PIWIL3: variants seen among roughly 807,000 people sequenced by gnomAD.
The protein encoded by PIWIL3 is piwi-like protein 3.
A neutral mutation model predicts 109.7 loss-of-function variants in PIWIL3; 101 were observed. The observed-to-expected ratio is 0.92, with a 90% CI of 0.78 to 1.09. PIWIL3 has a LOEUF of 1.09. Among genes scored for constraint, PIWIL3 ranks in the 50% least tolerant of loss-of-function variants. The probability of loss-of-function intolerance (pLI) is 0.00; values close to 1 mark genes in which losing one functional copy is unlikely to be tolerated. For synonymous variants in PIWIL3, 373 were observed against 376.4 expected (o/e 0.99, Z 0.10); for missense variants, 1,031 against 1,072.6 (o/e 0.96, Z 0.54).
At chr22:24,766,194 CT>C (rs1925777173) in intron 1 of PIWIL3, among the ~76,000 whole-genome samples, 1 of 152,068 alleles carries the variant, frequency 6.6e-6, no homozygotes, top group African/African-American at 2.4e-5. Context: ...ACCATGTTGC[CT>C]GGGCTGGTCT....
At chr22:24,768,356 G>A (rs2147732333) in intron 1 of PIWIL3, among the ~76,000 whole-genome samples, 1 of 151,912 alleles carries the variant, frequency 6.6e-6, no homozygotes. Context: ...CCAAGTTCAA[G>A]TGATTCTCCT....
chr22:24,750,491 C>T (rs5760621), intron 9 of PIWIL3, among the ~76,000 whole-genome samples: 51,478 of 97,476 alleles, frequency 0.53, 11,339 homozygotes, highest in African/African-American at 0.57. Context: ...GATTTTTTTT[C>T]TTTTTTTTTT....
chr22:24,761,992 T>G (rs1925465782), intron 2 of PIWIL3: 2 of 994,646 alleles, frequency 2.0e-6, no homozygotes, highest in African/African-American at 3.5e-5. Flanking sequence ...GGATATGCAG[T>G]AAGAGAAGAC....
At chr22:24,744,434 G>A (rs536244995) in intron 12 of PIWIL3, among the ~76,000 whole-genome samples, 6 of 152,052 alleles carry the variant, frequency 3.9e-5, no homozygotes, top group Middle Eastern at 3.4e-3. Flanking sequence ...TTAGCTGGGC[G>A]TGGTGGCACA....
At position 24,754,159 on chromosome 22, in the gene PIWIL3, T is replaced by C; in HGVS notation, c.832A>G (p.Ile278Val). Residue 278 changes from isoleucine to valine, a missense_variant, in exon 8 of 21, where the codon ATT (isoleucine) becomes GTT (valine). Physicochemically the swap from Ile to Val is conservative, Grantham distance 29. Transcript: ENST00000616349. ...TGGCTCACATCGGCACAGAGGGTAA[T>C]GCTGTTTTCGTATTGAAGAACAGAA... ...VTSVLQYENSITLCADVSHKL... is the reference protein window; with the variant it reads ...VTSVLQYENSVTLCADVSHKL... 11 of 1,614,148 alleles carry C rather than the reference T, an allele frequency of 6.8e-6. No homozygotes were observed. The highest frequency in any genetic ancestry group is 8.5e-6 in the Non-Finnish European group (10 of 1,179,992).
At chr22:24,769,821 A>G (rs989346976) in intron 1 of PIWIL3, 1 of 150,828 alleles carries the variant, frequency 6.6e-6, no homozygotes, top group Non-Finnish European at 1.5e-5. Context: ...TAATAATAAT[A>G]AATACACCAA....
rs1924862251 is a variant in PIWIL3 at position 24,754,002 on chromosome 22, A to ATT, written c.977+11_977+12insAA. On this transcript the variant is annotated intron_variant, in intron 8 of 20. Transcript: ENST00000616349. ...TAAAGTGATTGGATAGGTTTTTAAA[A>ATT]GACAGACTTACTTTGTCAGAACAAT... 9.5e-6 allele frequency: 15 copies of ATT among 1,583,376 alleles called. No homozygotes were observed. The highest frequency in any genetic ancestry group is 1.3e-5 in the Non-Finnish European group (15 of 1,152,290).
chr22:24,754,771 A>C lies in PIWIL3; in HGVS notation c.773+13T>G. On this transcript the variant is annotated intron_variant, in intron 7 of 20. Coordinates refer to ENST00000616349, the MANE Select transcript of PIWIL3 (RefSeq NM_001255975.1). ...AAGTCTGCAGAGTGTGAAATTTTCT[A>C]CTTTATACAAACCCATGACGGTATA... 6.3e-7 allele frequency: 1 copy of C among 1,576,916 alleles called. No homozygotes were observed. Among genetic ancestry groups the C allele is most frequent in the Non-Finnish European group, 8.7e-7 (1 of 1,146,690 alleles).
At chr22:24,770,122 G>A (rs28624292) in intron 1 of PIWIL3, among the ~76,000 whole-genome samples, 1 of 152,224 alleles carries the variant, frequency 6.6e-6, no homozygotes, top group Non-Finnish European at 1.5e-5. Context: ...GCTTTATGTA[G>A]ATCAAAGCAT....
chr22:24,739,847 G>A (rs1256881829), intron 12 of PIWIL3, among the ~76,000 whole-genome samples: 1 of 151,956 alleles, frequency 6.6e-6, no homozygotes, highest in Non-Finnish European at 1.5e-5. Context: ...TCAGGAGATC[G>A]AGACCATCCT....
intron 14 of PIWIL3, among the ~76,000 whole-genome samples, chr22:24,732,295 A>G (rs1923398079): frequency 6.6e-6 from 1 of 152,156 alleles, no homozygotes; most frequent in Non-Finnish European, 1.5e-5. Context: ...GAACAGTTTT[A>G]TAAGTGATTT....
chr22:24,755,682 T>G, intron 6 of PIWIL3, 102 bp downstream of exon 6: 7 of 1,448,594 alleles, frequency 4.8e-6, no homozygotes, highest in African/African-American at 1.4e-5. Flanking sequence ...ACATGAGGAC[T>G]AGGAAGAACA....
At chr22:24,736,274 A>G (rs1923652483) in intron 12 of PIWIL3, among the ~76,000 whole-genome samples, 1 of 152,242 alleles carries the variant, frequency 6.6e-6, no homozygotes. Flanking sequence ...TCGGCCTATA[A>G]TAGCTCACTG....
intron 12 of PIWIL3, among the ~76,000 whole-genome samples, chr22:24,744,178 T>TAAAAAAAAAAAAAAAAAAAAA (rs1188611412): frequency 1.5e-4 from 5 of 34,316 alleles, no homozygotes; most frequent in Non-Finnish European, 2.3e-4. Flanking sequence ...GTGACCGAAT[T>TAAAAAAAAAAAAAAAAAAAAA]AAAAAAAAAA....
chr22:24,766,938 G>A lies in PIWIL3; in HGVS notation c.-22-4417C>T, dbSNP rs111890483. 2.4e-4 allele frequency among the ~76,000 whole-genome samples: 35 copies of A among 147,248 alleles called. 1 individual carries two copies. The highest frequency in any genetic ancestry group is 7.0e-4 in the African/African-American group (28 of 39,814). On this transcript the variant is annotated intron_variant, in intron 1 of 20. Coordinates refer to ENST00000616349, the MANE Select transcript of PIWIL3 (RefSeq NM_001255975.1). ...TGAGCCCAGTAGTTCAAGACTAGCC[G>A]GGGCAACATCAAGACACCGTCTCTA...
intron 18 of PIWIL3, among the ~76,000 whole-genome samples, chr22:24,723,901 C>T (rs183398245): frequency 3.3e-4 from 51 of 152,282 alleles, no homozygotes; most frequent in Non-Finnish European, 1.5e-4. Context: ...TGGTCTCAAA[C>T]TCCTGACCTC....
chr22:24,759,575 A>C (rs1433465502), intron 3 of PIWIL3, among the ~76,000 whole-genome samples: 1 of 152,256 alleles, frequency 6.6e-6, no homozygotes, highest in African/African-American at 2.4e-5. Flanking sequence ...GAATTCCATT[A>C]AGTTAACTTA....
intron 1 of PIWIL3, among the ~76,000 whole-genome samples, chr22:24,767,251 G>T (rs769220504): frequency 9.9e-5 from 15 of 151,768 alleles, no homozygotes; most frequent in Non-Finnish European, 1.2e-4. Context: ...AAAATTCCTG[G>T]CCAGCTGGGC....
At position 24,719,753 on chromosome 22, in the gene PIWIL3, A is replaced by G. The variant is rs770622234; in HGVS notation, c.2500T>C (p.Leu834=). The part of the protein sequence containing the change: ...TYCLCHMYYN[L]PGIIRVPAPC... ...AAGTAACAAAAAGTACTTACTGGCA[A>G]ATTATAATACATGTGGCATAGACAA... Residue 834 remains leucine (L), a synonymous_variant, in exon 20 of 21, where the codon TTG becomes CTG. Coordinates refer to ENST00000616349, the MANE Select transcript of PIWIL3 (RefSeq NM_001255975.1). 6.2e-7 allele frequency: 1 copy of G among 1,611,418 alleles called. No individual in the cohort carries two copies. The highest frequency in any genetic ancestry group is 1.1e-5 in the South Asian group (1 of 90,618).
Sources: gnomAD v4.1 joint callset for allele counts (sites outside exome capture counted in the v4.1 genomes callset) on GRCh38, gnomAD v4.1.1 for gene constraint, MANE v1.5 for transcripts, NCBI Gene and HGNC (gene_info 2026-07-23, HGNC 2026-07-21) for gene names.